The following YME1L1 variants were observed in gnomAD, a reference collection of about 807,000 sequenced individuals.
YME1L1 encodes ATP-dependent zinc metalloprotease YME1L1.
YME1L1 carries 39 observed loss-of-function variants against 90.4 expected under a neutral mutation model. The ratio of observed to expected loss-of-function variants is 0.43; its 90% CI spans 0.33 to 0.56. The LOEUF is 0.56. YME1L1 is among the 20% of genes least tolerant of loss of function. The pLI is 0.03. For synonymous variants in YME1L1, 284 were observed against 287.3 expected, an observed-to-expected ratio of 0.99 and a Z score of 0.12; for missense variants, 617 against 868.4, an observed-to-expected ratio of 0.71 and a Z score of 3.64.
At chr10:27,143,698 T>TCC (rs1564467395) in intron 3 of YME1L1, among the ~76,000 whole-genome samples, 1 of 44,420 alleles carries the variant, frequency 2.3e-5, no homozygotes, top group African/African-American at 1.1e-4. Context: ...ACTCGTCTCT[T>TCC]TAAAAAAAAA....
intron 17 of YME1L1, among the ~76,000 whole-genome samples, chr10:27,115,018 C>A (rs948823369): frequency 1.3e-5 from 2 of 152,034 alleles, no homozygotes; most frequent in Non-Finnish European, 2.9e-5. Context: ...CAGAGCGAGA[C>A]TCCGTCTCCA....
At chr10:27,132,159 G>A (rs377465233) in intron 7 of YME1L1, among the ~76,000 whole-genome samples, 8 of 152,074 alleles carry the variant, frequency 5.3e-5, no homozygotes, top group Non-Finnish European at 8.8e-5. Flanking sequence ...GGAGTGCAGC[G>A]GCACGATCTT....
chr10:27,153,317 G>A (rs984436623), intron 1 of YME1L1: 4 of 463,498 alleles, frequency 8.6e-6, no homozygotes, highest in East Asian at 7.0e-5. Context: ...AAAATGAGGG[G>A]GAGTAAAAGT....
rs2056888069 is a variant in YME1L1 at position 27,123,611 on chromosome 10, A to G, written c.1038T>C (p.Ala346=). ...AGEADVPFYY[A]SGSEFDEMFV... ...ACATCTCATCAAATTCGGATCCAGA[A>G]GCATAATAAAAAGGAACATCAGCTT... Residue 346 remains alanine, a synonymous_variant, in exon 10 of 19, where the codon GCT becomes GCC. Transcript: ENST00000376016. 6.2e-7 allele frequency: 1 copy of G among 1,613,950 alleles called. No homozygotes were observed. The highest frequency in any genetic ancestry group is 8.5e-7 in the Non-Finnish European group (1 of 1,179,952).
intron 8 of YME1L1, among the ~76,000 whole-genome samples, chr10:27,129,794 C>T (rs1434519974): frequency 2.0e-5 from 3 of 152,026 alleles, no homozygotes; most frequent in African/African-American, 7.2e-5. Flanking sequence ...CAAGTGAGCA[C>T]AACAGTTTTA....
intron 18 of YME1L1, among the ~76,000 whole-genome samples, chr10:27,114,067 A>G (rs1388297854): frequency 1.3e-5 from 2 of 152,094 alleles, no homozygotes; most frequent in African/African-American, 4.8e-5. Flanking sequence ...AATTTTATAT[A>G]CATATAAAAT....
At chr10:27,133,920 C>T in intron 7 of YME1L1, 119 bp downstream of exon 7, 2 of 602,090 alleles carry the variant, frequency 3.3e-6, no homozygotes, top group South Asian at 7.9e-5. Context: ...GAATGAAAGC[C>T]TAATTCTAGT....
chr10:27,123,786 A>C, intron 9 of YME1L1, 87 bp from the exon 10 acceptor site: 1 of 1,365,996 alleles, frequency 7.3e-7, no homozygotes, highest in Non-Finnish European at 9.7e-7. Flanking sequence ...TTATTCATTT[A>C]TATAATTTTC....
chr10:27,120,714 C>T (rs1306053751), intron 12 of YME1L1, among the ~76,000 whole-genome samples, 167 bp from the exon 13 acceptor site: 1 of 152,186 alleles, frequency 6.6e-6, no homozygotes, highest in Non-Finnish European at 1.5e-5. Context: ...GCTCAAGTAA[C>T]AGTGTCAATA....
chr10:27,142,313 C>T (rs2057096911), intron 4 of YME1L1, 74 bp downstream of exon 4: 2 of 847,762 alleles, frequency 2.4e-6, no homozygotes. Context: ...AGAATTAATA[C>T]CATTAAGAAA....
At chr10:27,142,338 T>C (rs769451544) in intron 4 of YME1L1, 49 bp downstream of exon 4, 9 of 1,088,354 alleles carry the variant, frequency 8.3e-6, no homozygotes, top group Admixed American at 5.8e-5. Flanking sequence ...AATCAGACTA[T>C]AGTAAATAAA....
At chr10:27,121,756 T>C (rs2056870070) in intron 11 of YME1L1, among the ~76,000 whole-genome samples, 2 of 151,768 alleles carry the variant, frequency 1.3e-5, no homozygotes, top group South Asian at 4.2e-4. Context: ...CTATTTTTTT[T>C]TTTTTTTGGA....
intron 18 of YME1L1, among the ~76,000 whole-genome samples, 169 bp from the exon 19 acceptor site, chr10:27,112,289 A>G (rs931195895): frequency 6.6e-6 from 1 of 152,228 alleles, no homozygotes; most frequent in African/African-American, 2.4e-5. Context: ...TGTGCATTAT[A>G]ACATAGTAAG....
At chr10:27,117,842 A>T (rs2056829241) in intron 14 of YME1L1, 115 bp from the exon 15 acceptor site, 20 of 1,059,732 alleles carry the variant, frequency 1.9e-5, no homozygotes, top group Non-Finnish European at 2.7e-5. Context: ...CAGATTCTGC[A>T]TCCATAGATT....
intron 18 of YME1L1, among the ~76,000 whole-genome samples, chr10:27,113,418 C>T (rs1207594460): frequency 6.6e-6 from 1 of 151,680 alleles, no homozygotes; most frequent in Non-Finnish European, 1.5e-5. Context: ...TGCCTGTAAT[C>T]CCAGCACTTT....
chr10:27,131,952 G>A lies in YME1L1; in HGVS notation c.776-11C>T, dbSNP rs1272049430. On this transcript the variant is annotated splice_polypyrimidine_tract_variant and intron_variant, in intron 7 of 18. Transcript: ENST00000376016. ...TTGTCCGGAAGCGGACTAAAGGGAAGAAAAGAAATGTTTATATTTGATAGA... is the reference window on the plus strand; with the variant it reads ...TTGTCCGGAAGCGGACTAAAGGGAAAAAAAGAAATGTTTATATTTGATAGA... The A allele has an allele frequency of 1.3e-6, 2 of 1,598,094 alleles. No homozygotes were observed. The highest frequency in any genetic ancestry group is 1.7e-6 in the Non-Finnish European group (2 of 1,172,544).
intron 5 of YME1L1, among the ~76,000 whole-genome samples, chr10:27,135,484 TA>T (rs1191133995): frequency 6.6e-6 from 1 of 152,216 alleles, no homozygotes; most frequent in Non-Finnish European, 1.5e-5. Context: ...TGTATGGTGG[TA>T]AATCAATGCT....
intron 12 of YME1L1, among the ~76,000 whole-genome samples, chr10:27,121,178 G>A (rs986403784): frequency 6.6e-6 from 1 of 152,036 alleles, no homozygotes; most frequent in South Asian, 2.1e-4. Flanking sequence ...CCCCCACAAA[G>A]AAATCCCATA....
intron 2 of YME1L1, chr10:27,146,810 A>AT (rs911629111): frequency 2.0e-5 from 3 of 153,588 alleles, no homozygotes; most frequent in Admixed American, 1.3e-4. Context: ...TAAATTAGCT[A>AT]TAACTCATAT....
Sources: allele counts gnomAD v4.1 joint callset (sites outside exome capture counted in the v4.1 genomes callset), GRCh38; gene constraint gnomAD v4.1.1; transcripts MANE v1.5; gene names NCBI Gene and HGNC (gene_info 2026-07-23, HGNC 2026-07-21).